Variants in BAZ1A observed in about 807,000 individuals in gnomAD.
BAZ1A encodes bromodomain adjacent to zinc finger domain protein 1A.
In BAZ1A, 50 loss-of-function variants were observed where a neutral mutation model predicts 185.2. The observed-to-expected ratio is 0.27, with a 90% CI of 0.22 to 0.34. BAZ1A has a LOEUF of 0.34. Ranked by LOEUF, BAZ1A falls within the 10% of genes least tolerant of loss-of-function variation. The pLI, the probability that BAZ1A is intolerant of heterozygous loss-of-function variation, is 1.00. For missense variants in BAZ1A, 1,356 were observed against 1,839.9 expected (o/e 0.74, Z 4.81); for synonymous variants, 571 against 615.6 (o/e 0.93, Z 1.07).
intron 7 of BAZ1A, 143 bp downstream of exon 7, chr14:34,802,711 T>C (rs1374932404): frequency 2.5e-6 from 2 of 806,066 alleles, no homozygotes; most frequent in Non-Finnish European, 3.8e-6. Context: ...TATCAACATA[T>C]AGTACACACT....
In BAZ1A at chr14:34,753,634, T is replaced by C; in HGVS notation, c.4545A>G (p.Glu1515=). The C allele has an allele frequency of 6.2e-7, 1 of 1,613,992 alleles. No homozygotes were observed. The highest frequency in any genetic ancestry group is 8.5e-7 in the Non-Finnish European group (1 of 1,179,880). The change falls in exon 27 of 27, where the codon GAA becomes GAG. Residue 1515 remains glutamate, a synonymous_variant. Transcript: ENST00000360310. Reference sequence around the variant, plus strand: ...CTTGAAGCCTAGTTCCAGCTTTTGCTTCACTTGTGTTACGAGGGTTGTATT... The same window carrying C: ...CTTGAAGCCTAGTTCCAGCTTTTGCCTCACTTGTGTTACGAGGGTTGTATT... ...CFEYNPRNTS[E]AKAGTRLQAF... is the part of the protein sequence containing the mutation.
chr14:34,756,413 C>CGG (rs1886249331), intron 25 of BAZ1A, among the ~76,000 whole-genome samples: 1 of 150,812 alleles, frequency 6.6e-6, no homozygotes, highest in Non-Finnish European at 1.5e-5. Context: ...CTGTGCCTGG[C>CGG]CCTAAACTGT....
rs779174953 is a variant in BAZ1A, at chr14:34,783,899, G to C, written c.1860C>G (p.Leu620=). 4 of 1,598,832 alleles carry C rather than the reference G, an allele frequency of 2.5e-6. No homozygotes were observed. In the East Asian group the frequency reaches 9.0e-5, roughly 36 times the overall value. Reference sequence around the variant, plus strand: ...AAACTAGGGTCAGTAGCTTTCCACAGAGAGCATGGAGTATCTTCATTTTTT... The same window carrying C: ...AAACTAGGGTCAGTAGCTTTCCACACAGAGCATGGAGTATCTTCATTTTTT... The part of the protein sequence containing the change: ...PGEKMKILHA[L]CGKLLTLVST... Residue 620 remains leucine (L), a synonymous_variant, in exon 15 of 27, where the codon CTC becomes CTG. Coordinates refer to ENST00000360310, the MANE Select transcript of BAZ1A (RefSeq NM_013448.3).
chr14:34,873,384 CACTT>C (rs1345118989), intron 2 of BAZ1A, among the ~76,000 whole-genome samples: 1 of 152,198 alleles, frequency 6.6e-6, no homozygotes, highest in East Asian at 1.9e-4. Flanking sequence ...GTCAGGTTCT[CACTT>C]AGAGATCCTG....
At position 34,856,169 on chromosome 14, in the gene BAZ1A, G is replaced by T. The variant is rs113117617; in HGVS notation, c.392+5875C>A. On this transcript the variant is annotated intron_variant, in intron 3 of 26. Transcript: ENST00000360310. ...TTATTCAGTGTTAGTTAAGTGTGGG[G>T]AACCTAGGCCTAGCCTCAATGCCAC... 7.3e-3 allele frequency among the ~76,000 whole-genome samples: 1,105 copies of T among 152,270 alleles called. 14 individuals carry two copies. Among genetic ancestry groups the T allele is most frequent in the African/African-American group, 0.025 (1,037 of 41,540 alleles).
intron 21 of BAZ1A, among the ~76,000 whole-genome samples, chr14:34,766,879 A>C (rs182114224): frequency 5.9e-5 from 9 of 152,254 alleles, no homozygotes; most frequent in Non-Finnish European, 7.3e-5. Context: ...CAAACTCATA[A>C]AGACTTCAGA....
chr14:34,838,419 G>C (rs2042361145), intron 3 of BAZ1A, among the ~76,000 whole-genome samples: 1 of 152,062 alleles, frequency 6.6e-6, no homozygotes, highest in African/African-American at 2.4e-5. Context: ...CAATATGAGA[G>C]AGCCCTGTAG....
At chr14:34,803,659 T>C (rs891715596) in intron 6 of BAZ1A, among the ~76,000 whole-genome samples, 2 of 152,090 alleles carry the variant, frequency 1.3e-5, no homozygotes, top group African/African-American at 4.8e-5. Flanking sequence ...TCTATGTAAA[T>C]GAATAATCAA....
chr14:34,847,582 A>C (rs1326582681), intron 3 of BAZ1A, among the ~76,000 whole-genome samples: 1 of 152,158 alleles, frequency 6.6e-6, no homozygotes, highest in Non-Finnish European at 1.5e-5. Context: ...CTACTTGATT[A>C]ATCCCACATG....
chr14:34,754,726 G>C, intron 26 of BAZ1A, 101 bp downstream of exon 26: 1 of 749,536 alleles, frequency 1.3e-6, no homozygotes, highest in South Asian at 2.0e-5. Flanking sequence ...TTTAGTAACA[G>C]AAAAACAGCC....
chr14:34,795,708 T>C lies in BAZ1A; in HGVS notation c.1186A>G (p.Ser396Gly). Residue 396 changes from serine to glycine, a missense_variant, in exon 10 of 27, where the codon AGT (serine) becomes GGT (glycine). By Grantham distance (56) the Ser-to-Gly change is moderately conservative. This residue lies in a region of BAZ1A where 184 missense variants were observed against 355.1 expected (regional missense o/e 0.52). Transcript: ENST00000360310. ...RKYVEYLKQWSKPREDMECDD... is the reference protein window; with the variant it reads ...RKYVEYLKQWGKPREDMECDD... ...CATTCCATATCTTCTCTAGGTTTAC[T>C]CCACTGTTTTAAGTATTCCACATAC... 1 of 1,613,128 alleles carries C rather than the reference T, an allele frequency of 6.2e-7. No individual in the cohort carries two copies. The highest frequency in any genetic ancestry group is 8.5e-7 in the Non-Finnish European group (1 of 1,179,752).
At chr14:34,826,901 C>T (rs2042172403) in intron 3 of BAZ1A, among the ~76,000 whole-genome samples, 1 of 152,158 alleles carries the variant, frequency 6.6e-6, no homozygotes, top group Non-Finnish European at 1.5e-5. Flanking sequence ...AGGCACCATC[C>T]AATTAACTGG....
chr14:34,869,705 A>T (rs1372484475), intron 2 of BAZ1A, among the ~76,000 whole-genome samples: 1 of 152,220 alleles, frequency 6.6e-6, no homozygotes, highest in Non-Finnish European at 1.5e-5. Context: ...GACTGTTTGC[A>T]AAGAGGTCTA....
chr14:34,871,926 A>C (rs2042954834), intron 2 of BAZ1A, among the ~76,000 whole-genome samples: 1 of 152,208 alleles, frequency 6.6e-6, no homozygotes, highest in Admixed American at 6.5e-5. Flanking sequence ...GTTGTTCCAA[A>C]GGTCAGGTTA....
At chr14:34,770,835 T>C (rs1879166213) in intron 21 of BAZ1A, among the ~76,000 whole-genome samples, 1 of 152,218 alleles carries the variant, frequency 6.6e-6, no homozygotes, top group Non-Finnish European at 1.5e-5. Flanking sequence ...GATTTAGCAC[T>C]TGGTATTTCT....
intron 3 of BAZ1A, among the ~76,000 whole-genome samples, chr14:34,861,747 G>C (rs2042771858): frequency 1.3e-5 from 2 of 152,284 alleles, no homozygotes; most frequent in African/African-American, 2.4e-5. Flanking sequence ...AAGGGATCTA[G>C]AGTATGTATG....
At chr14:34,794,115 G>C (rs1183139690) in intron 11 of BAZ1A, among the ~76,000 whole-genome samples, 1 of 151,678 alleles carries the variant, frequency 6.6e-6, no homozygotes, top group Non-Finnish European at 1.5e-5. Flanking sequence ...CTAGGTGACA[G>C]AGCAAGACTG....
Position 34,872,865 on chromosome 14 carries a change from G to GTT in BAZ1A, c.113+1625_113+1626dup, listed in dbSNP as rs34310554. On this transcript the variant is annotated intron_variant, in intron 2 of 26. Coordinates refer to ENST00000360310, the MANE Select transcript of BAZ1A (RefSeq NM_013448.3). ...ATTTACTATTTTGTTGATACTCTTAGTTTTTTTTTTATCGTAATTGTTAGC... is the reference window on the plus strand; with the variant it reads ...ATTTACTATTTTGTTGATACTCTTAGTTTTTTTTTTTTATCGTAATTGTTAGC... Among the ~76,000 whole-genome samples the GTT allele has an allele frequency of 1.7e-3, 219 of 131,932 alleles. 1 individual carries two copies. Among genetic ancestry groups the GTT allele is most frequent in the South Asian group, 4.8e-3 (20 of 4,144 alleles). 86.6% of individuals were successfully genotyped at this position (131,932 alleles called of 152,430 possible).
intron 25 of BAZ1A, among the ~76,000 whole-genome samples, chr14:34,756,092 C>T (rs1309476543): frequency 6.7e-6 from 1 of 149,012 alleles, no homozygotes; most frequent in Non-Finnish European, 1.5e-5. Context: ...CCACCTGCCT[C>T]AGCCTCCCAA....
Sources: gnomAD v4.1 joint callset for allele counts (sites outside exome capture counted in the v4.1 genomes callset) on GRCh38, gnomAD v4.1.1 for gene constraint, gnomAD v4.1.1 regional missense constraint, MANE v1.5 for transcripts, NCBI Gene and HGNC (gene_info 2026-07-23, HGNC 2026-07-21) for gene names.